The following BNC2 variants were observed in gnomAD, a reference collection of about 807,000 sequenced individuals.
BNC2 encodes the protein zinc finger protein basonuclin-2.
A neutral mutation model predicts 76.3 loss-of-function variants in BNC2; 20 were observed. The observed-to-expected ratio is 0.26, with a 90% CI of 0.18 to 0.38. The LOEUF (loss-of-function observed/expected upper bound fraction) is 0.38, where lower values mean the gene tolerates loss of function less well. Among genes scored for constraint, BNC2 ranks in the 10% least tolerant of loss-of-function variants. The pLI is 1.00. For synonymous variants in BNC2, 582 were observed against 514.8 expected, an observed-to-expected ratio of 1.13 and a Z score of -1.77; for missense variants, 1,382 against 1,399.8, an observed-to-expected ratio of 0.99 and a Z score of 0.20.
chr9:16,718,357 A>C (rs949835828), intron 3 of BNC2, among the ~76,000 whole-genome samples: 14 of 152,214 alleles, frequency 9.2e-5, no homozygotes, highest in Admixed American at 6.5e-4. Flanking sequence ...AGATGACAAA[A>C]ATAAAGTAAA....
chr9:16,790,009 T>TC (rs1440774480), intron 1 of BNC2, among the ~76,000 whole-genome samples: 1 of 151,692 alleles, frequency 6.6e-6, no homozygotes, highest in Non-Finnish European at 1.5e-5. Context: ...TGTGAAATGA[T>TC]TTTTTTTTGA....
chr9:16,550,024 T>A (rs1818611325), intron 5 of BNC2, among the ~76,000 whole-genome samples: 1 of 152,036 alleles, frequency 6.6e-6, no homozygotes, highest in African/African-American at 2.4e-5. Context: ...ATAATTTAAG[T>A]ATTACAATAA....
Position 16,414,417 on chromosome 9 carries a change from A to C in BNC2, c.*4572T>G, listed in dbSNP as rs1235425143. ...ATCTTACTCATTTAGATCCATCCCCAAAAAATAAACAATGAGAGGGAAAAG... is the reference window on the plus strand; with the variant it reads ...ATCTTACTCATTTAGATCCATCCCCCAAAAATAAACAATGAGAGGGAAAAG... On this transcript the variant is annotated 3_prime_UTR_variant, in exon 7 of 7. Coordinates refer to ENST00000380672, the MANE Select transcript of BNC2 (RefSeq NM_017637.6). 4 of 152,292 alleles carry C rather than the reference A, an allele frequency of 2.6e-5. No individual in the cohort carries two copies. The highest frequency in any genetic ancestry group is 3.9e-4 in the East Asian group (2 of 5,182). 9.4% of individuals were successfully genotyped at this position (152,292 alleles called of 1,614,324 possible).
At position 16,495,214 on chromosome 9, in the gene BNC2, G is replaced by A. The variant is rs527276284; in HGVS notation, c.669+57316C>T. Among the ~76,000 whole-genome samples, 8 of 152,254 alleles carry A rather than the reference G, an allele frequency of 5.3e-5. No homozygotes were observed. The South Asian group carries it at 6.2e-4, about 12-fold the overall frequency. The stretch of plus-strand genomic sequence containing the variant: ...TAGCAGATCCTAAAAAAGGACAGTC[G>A]TAGTTTAACCTCATTGGCTTTCTTG... On this transcript the variant is annotated intron_variant, in intron 5 of 6. Transcript: ENST00000380672.
At chr9:16,590,187 AT>A (rs1158121078) in intron 3 of BNC2, among the ~76,000 whole-genome samples, 1 of 151,720 alleles carries the variant, frequency 6.6e-6, no homozygotes, top group East Asian at 2.0e-4. Flanking sequence ...AAAAGAAGAA[AT>A]TTTTTTTTAA....
rs1563888096 is a variant in BNC2 at position 16,665,492 on chromosome 9, G to GAA, written c.330+62304_330+62305insTT. On this transcript the variant is annotated intron_variant, in intron 3 of 6. Coordinates refer to ENST00000380672, the MANE Select transcript of BNC2 (RefSeq NM_017637.6). Reference sequence around the variant, plus strand: ...AAAGAAAGAAAGAAAGAAAGAAAGAGAGAGAGAGAAATCACAGCAAATTTC... The same window carrying GAA: ...AAAGAAAGAAAGAAAGAAAGAAAGAGAAAGAGAGAGAAATCACAGCAAATTTC... Among the ~76,000 whole-genome samples, 195 of 128,056 alleles carry GAA rather than the reference G, an allele frequency of 1.5e-3. 1 individual carries two copies. Among genetic ancestry groups the GAA allele is most frequent in the African/African-American group, 5.5e-3 (177 of 32,364 alleles). The allele number at this position is 128,056 out of a possible 152,430, so 84.0% of individuals were successfully genotyped here.
chr9:16,798,776 C>A (rs1817716052), intron 1 of BNC2, among the ~76,000 whole-genome samples: 1 of 152,172 alleles, frequency 6.6e-6, no homozygotes, highest in African/African-American at 2.4e-5. Flanking sequence ...CATTGCACAA[C>A]TACACTGAAT....
At chr9:16,785,285 G>A (rs1018235502) in intron 1 of BNC2, among the ~76,000 whole-genome samples, 1 of 152,156 alleles carries the variant, frequency 6.6e-6, no homozygotes, top group Non-Finnish European at 1.5e-5. Flanking sequence ...TTAATAGTGT[G>A]GATGAACAGT....
chr9:16,777,611 G>C (rs963915936), intron 1 of BNC2, among the ~76,000 whole-genome samples: 2 of 149,754 alleles, frequency 1.3e-5, no homozygotes, highest in South Asian at 2.1e-4. Context: ...TGAGGCAAGA[G>C]AATGACGTGA....
chr9:16,828,938 C>T (rs1180637141), intron 1 of BNC2, among the ~76,000 whole-genome samples: 2 of 151,136 alleles, frequency 1.3e-5, no homozygotes, highest in African/African-American at 2.4e-5. Flanking sequence ...TAGATGGCCC[C>T]GAAGCGACTC....
chr9:16,510,878 C>A (rs939294632), intron 5 of BNC2, among the ~76,000 whole-genome samples: 2 of 152,054 alleles, frequency 1.3e-5, no homozygotes, highest in Non-Finnish European at 2.9e-5. Context: ...GTAATGATTG[C>A]GAGATTTTAC....
At chr9:16,810,442 G>A (rs1487997140) in intron 1 of BNC2, among the ~76,000 whole-genome samples, 1 of 152,218 alleles carries the variant, frequency 6.6e-6, no homozygotes, top group Non-Finnish European at 1.5e-5. Flanking sequence ...GCGTCCCACA[G>A]AGCTGTTTGT....
At chr9:16,783,113 G>A (rs1341604149) in intron 1 of BNC2, among the ~76,000 whole-genome samples, 1 of 152,154 alleles carries the variant, frequency 6.6e-6, no homozygotes, top group African/African-American at 2.4e-5. Flanking sequence ...TATTAAATAT[G>A]TTAATGTCTT....
At chr9:16,731,002 C>A (rs1240901461) in intron 2 of BNC2, among the ~76,000 whole-genome samples, 7 of 152,086 alleles carry the variant, frequency 4.6e-5, no homozygotes, top group African/African-American at 1.7e-4. Context: ...CTATAAATCC[C>A]CAAGATACAT....
intron 1 of BNC2, among the ~76,000 whole-genome samples, chr9:16,778,522 T>G (rs573464839): frequency 6.6e-6 from 1 of 152,216 alleles, no homozygotes; most frequent in African/African-American, 2.4e-5. Flanking sequence ...GGACAATCTA[T>G]TAAGCACATA....
chr9:16,850,513 C>T (rs1284183293), intron 1 of BNC2, among the ~76,000 whole-genome samples: 2 of 152,188 alleles, frequency 1.3e-5, no homozygotes, highest in Non-Finnish European at 2.9e-5. Flanking sequence ...AACTCATCAT[C>T]TGTAAATACT....
chr9:16,614,102 T>A (rs755652046), intron 3 of BNC2, among the ~76,000 whole-genome samples: 42 of 152,262 alleles, frequency 2.8e-4, no homozygotes, highest in Admixed American at 6.5e-4. Flanking sequence ...GGGAATGAAA[T>A]TAACCAGAAA....
chr9:16,461,170 G>C (rs1401372864), intron 5 of BNC2, among the ~76,000 whole-genome samples: 4 of 152,132 alleles, frequency 2.6e-5, no homozygotes, highest in African/African-American at 7.2e-5. Flanking sequence ...TAAATTTTCG[G>C]AACATTTTAC....
chr9:16,429,737 CT>C (rs752685805), intron 6 of BNC2: 1 of 311,572 alleles, frequency 3.2e-6, no homozygotes, highest in Non-Finnish European at 6.4e-6. Flanking sequence ...GTAAAAATCT[CT>C]TTGCATCATG....
Sources: allele counts gnomAD v4.1 joint callset (sites outside exome capture counted in the v4.1 genomes callset), GRCh38; gene constraint gnomAD v4.1.1; transcripts MANE v1.5; gene names NCBI Gene and HGNC (gene_info 2026-07-23, HGNC 2026-07-21).